The following CORIN variants were observed in gnomAD, a reference collection of about 807,000 sequenced individuals.
CORIN encodes the protein atrial natriuretic peptide-converting enzyme.
In CORIN, 117 loss-of-function variants were observed where a neutral mutation model predicts 125.3. The observed-to-expected ratio is 0.93, with a 90% CI of 0.80 to 1.09. The LOEUF (loss-of-function observed/expected upper bound fraction) is 1.09, where lower values mean the gene tolerates loss of function less well. Among genes scored for constraint, CORIN ranks in the 50% least tolerant of loss-of-function variants. CORIN has a pLI of 0.00. For missense variants in CORIN, 1,253 were observed against 1,306.7 expected (o/e 0.96, Z 0.63); for synonymous variants, 450 against 466.4 (o/e 0.96, Z 0.45).
chr4:47,657,761 A>G (rs1724061799), intron 12 of CORIN, among the ~76,000 whole-genome samples: 1 of 151,898 alleles, frequency 6.6e-6, no homozygotes, highest in Non-Finnish European at 1.5e-5. Flanking sequence ...AGGCACCATG[A>G]CCAGATCTCC....
chr4:47,613,861 T>A (rs1577737485), intron 19 of CORIN, among the ~76,000 whole-genome samples: 2 of 148,174 alleles, frequency 1.3e-5, no homozygotes, highest in South Asian at 2.3e-4. Context: ...TAATGCTAGA[T>A]GACGAGTTAG....
intron 2 of CORIN, among the ~76,000 whole-genome samples, chr4:47,791,175 A>G (rs2109926103): frequency 6.6e-6 from 1 of 152,264 alleles, no homozygotes. Context: ...AGCCCAATGT[A>G]ATCACAAGGG....
intron 19 of CORIN, among the ~76,000 whole-genome samples, chr4:47,616,477 A>C (rs1194081746): frequency 1.3e-5 from 2 of 152,182 alleles, no homozygotes; most frequent in African/African-American, 4.8e-5. Context: ...AAAAAGAGTT[A>C]GTCTCTGACA....
Position 47,661,193 on chromosome 4 carries a change from TG to T in CORIN, c.1735+517del, listed in dbSNP as rs1419244372. Among the ~76,000 whole-genome samples, 4 of 152,078 alleles carry T rather than the reference TG, an allele frequency of 2.6e-5. No individual in the cohort carries two copies. In the East Asian group the frequency reaches 7.7e-4, roughly 29 times the overall value. Reference sequence around the variant, plus strand: ...TGCCAGTGTCTGCGAAGGGTAGTGGTGGGGGAAAGCAGGGTTGGTTAATTGG... The same window carrying T: ...TGCCAGTGTCTGCGAAGGGTAGTGGTGGGGAAAGCAGGGTTGGTTAATTGG... On this transcript the variant is annotated intron_variant, in intron 12 of 21. Coordinates refer to ENST00000273857, the MANE Select transcript of CORIN (RefSeq NM_006587.4).
chr4:47,757,863 T>C (rs1428009293), intron 4 of CORIN, among the ~76,000 whole-genome samples: 4 of 110,606 alleles, frequency 3.6e-5, no homozygotes, highest in Non-Finnish European at 3.8e-5. Context: ...TACACATATA[T>C]ATACATATAT....
intron 4 of CORIN, among the ~76,000 whole-genome samples, chr4:47,756,118 T>C (rs1217717952): frequency 2.0e-5 from 3 of 152,138 alleles, no homozygotes; most frequent in Non-Finnish European, 2.9e-5. Flanking sequence ...ACAGGCCCTA[T>C]TGAGGGTGAT....
At chr4:47,785,921 A>G (rs1730776503) in intron 3 of CORIN, among the ~76,000 whole-genome samples, 1 of 151,856 alleles carries the variant, frequency 6.6e-6, no homozygotes, top group South Asian at 2.1e-4. Context: ...AAAAAAAAAA[A>G]AAAAAAAAAG....
At chr4:47,730,736 G>A (rs991376675) in intron 5 of CORIN, among the ~76,000 whole-genome samples, 2 of 152,208 alleles carry the variant, frequency 1.3e-5, no homozygotes, top group Admixed American at 6.5e-5. Flanking sequence ...GTATTCTCCC[G>A]CAGTTGTGCA....
At chr4:47,747,607 A>G in intron 4 of CORIN, among the ~76,000 whole-genome samples, 1 of 152,184 alleles carries the variant, frequency 6.6e-6, no homozygotes, top group East Asian at 1.9e-4. Flanking sequence ...GGAGGCCAGC[A>G]GACTGTTTTC....
At chr4:47,811,785 C>A (rs1454488848) in intron 1 of CORIN, among the ~76,000 whole-genome samples, 1 of 152,170 alleles carries the variant, frequency 6.6e-6, no homozygotes, top group Non-Finnish European at 1.5e-5. Context: ...TATTTTTGTA[C>A]ATACAGTTTT....
In CORIN at chr4:47,807,067, T is replaced by C; in HGVS notation, c.64-20A>G. On this transcript the variant is annotated intron_variant, in intron 1 of 21. Coordinates refer to ENST00000273857, the MANE Select transcript of CORIN (RefSeq NM_006587.4). ...CAAGACCTAAAGTAAAAGAGGAAAA[T>C]GCAACATGGTTTTAGTTTTACAATA... 1 of 1,597,918 alleles carries C rather than the reference T, an allele frequency of 6.3e-7. No individual in the cohort carries two copies. Among genetic ancestry groups the C allele is most frequent in the Non-Finnish European group, 8.5e-7 (1 of 1,172,186 alleles).
intron 5 of CORIN, chr4:47,706,376 G>C: frequency 6.2e-7 from 1 of 1,604,360 alleles, no homozygotes; most frequent in Non-Finnish European, 8.5e-7. Context: ...GCCAAGATGG[G>C]TGCATACAAG....
chr4:47,721,251 C>G (rs565659687), intron 5 of CORIN, among the ~76,000 whole-genome samples: 148 of 151,922 alleles, frequency 9.7e-4, no homozygotes, highest in African/African-American at 3.5e-3. Flanking sequence ...CATGGGGGCT[C>G]CACCCCCATA....
chr4:47,705,602 G>T (rs1395740147), intron 5 of CORIN, among the ~76,000 whole-genome samples: 2 of 152,178 alleles, frequency 1.3e-5, no homozygotes, highest in South Asian at 4.1e-4. Flanking sequence ...GTGGCCATAG[G>T]GGGAGGAGAC....
chr4:47,698,338 A>G (rs187104568), intron 5 of CORIN, among the ~76,000 whole-genome samples: 1 of 151,938 alleles, frequency 6.6e-6, no homozygotes, highest in Non-Finnish European at 1.5e-5. Flanking sequence ...CTGACATTTG[A>G]GCAACAACTT....
intron 10 of CORIN, among the ~76,000 whole-genome samples, chr4:47,666,935 G>A (rs892077434): frequency 2.0e-5 from 3 of 152,234 alleles, no homozygotes; most frequent in South Asian, 4.1e-4. Flanking sequence ...AAAAGGTAGT[G>A]CAAGAGTGAA....
At chr4:47,606,224 C>T (rs1721639530) in intron 19 of CORIN, among the ~76,000 whole-genome samples, 1 of 152,072 alleles carries the variant, frequency 6.6e-6, no homozygotes, top group Non-Finnish European at 1.5e-5. Flanking sequence ...ATCACATGAA[C>T]ATTACAAGAT....
At chr4:47,610,979 CAG>C (rs1433382323) in intron 19 of CORIN, among the ~76,000 whole-genome samples, 3 of 132,220 alleles carry the variant, frequency 2.3e-5, no homozygotes, top group Non-Finnish European at 5.0e-5. Context: ...TAGTACCATG[CAG>C]TTTTTGGTTA....
chr4:47,759,461 A>G (rs781591469), intron 4 of CORIN, among the ~76,000 whole-genome samples: 3 of 152,200 alleles, frequency 2.0e-5, no homozygotes, highest in Non-Finnish European at 4.4e-5. Flanking sequence ...CAAGCTATAC[A>G]TCTAATAAAG....
Sources: gnomAD v4.1 joint callset for allele counts (sites outside exome capture counted in the v4.1 genomes callset) on GRCh38, gnomAD v4.1.1 for gene constraint, MANE v1.5 for transcripts, NCBI Gene and HGNC (gene_info 2026-07-23, HGNC 2026-07-21) for gene names.